Variants in RARB observed in about 807,000 individuals in gnomAD.
The protein encoded by RARB is retinoic acid receptor beta, also known as HBV-activated protein.
Under a neutral mutation model 51.9 loss-of-function variants are expected in RARB, and 17 were observed. The observed-to-expected ratio is 0.33, with a 90% confidence interval of 0.22 to 0.49. The LOEUF (loss-of-function observed/expected upper bound fraction) is 0.49. Ranked by LOEUF, RARB falls within the 20% of genes least tolerant of loss-of-function variation. The pLI, the probability that RARB is intolerant of heterozygous loss-of-function variation, is 0.99. For missense variants in RARB, 369 were observed against 550.8 expected (o/e 0.67, Z 3.30); for synonymous variants, 215 against 195.4 (o/e 1.10, Z -0.84).
chr3:24,921,679 G>C (rs1368601625), intron 2 of RARB, among the ~76,000 whole-genome samples: 2 of 152,040 alleles, frequency 1.3e-5, no homozygotes, highest in Non-Finnish European at 2.9e-5. Flanking sequence ...CCAGACCTCA[G>C]CATCTCCCCA....
At chr3:25,446,075 G>A (rs570633764) in intron 1 of RARB, among the ~76,000 whole-genome samples, 46 of 152,296 alleles carry the variant, frequency 3.0e-4, no homozygotes, top group African/African-American at 1.0e-3. Context: ...TATTTATGGC[G>A]GACATATTGA....
intron 2 of RARB, among the ~76,000 whole-genome samples, chr3:25,057,642 A>G (rs1698466037): frequency 6.6e-6 from 1 of 152,020 alleles, no homozygotes; most frequent in South Asian, 2.1e-4. Flanking sequence ...GCTTCAAAGG[A>G]AAAATGAAAA....
chr3:25,071,171 T>C (rs931282572), intron 3 of RARB, among the ~76,000 whole-genome samples: 2 of 152,208 alleles, frequency 1.3e-5, no homozygotes, highest in African/African-American at 4.8e-5. Context: ...TCTGCAGTGC[T>C]CAGAAGAGAA....
At chr3:25,437,419 A>C (rs560213873) in intron 1 of RARB, among the ~76,000 whole-genome samples, 2 of 152,290 alleles carry the variant, frequency 1.3e-5, no homozygotes, top group African/African-American at 4.8e-5. Context: ...CCATTCAGCA[A>C]ATGGCTCTTG....
chr3:24,838,806 C>T (rs1702379345), intron 1 of RARB, among the ~76,000 whole-genome samples: 1 of 152,086 alleles, frequency 6.6e-6, no homozygotes, highest in African/African-American at 2.4e-5. Flanking sequence ...GAGGGCAGCC[C>T]TAACTTAGCT....
intron 5 of RARB, among the ~76,000 whole-genome samples, chr3:25,376,085 G>A (rs1706451903): frequency 6.6e-6 from 1 of 152,188 alleles, no homozygotes; most frequent in South Asian, 2.1e-4. Flanking sequence ...AGCTCTTACA[G>A]TATTATTTTA....
intron 2 of RARB, among the ~76,000 whole-genome samples, chr3:24,984,916 T>G (rs1397601654): frequency 6.6e-6 from 1 of 152,222 alleles, no homozygotes; most frequent in Non-Finnish European, 1.5e-5. Flanking sequence ...TTCTGAGCTT[T>G]GCTGCCAACC....
At chr3:25,089,798 A>G (rs1473903123) in intron 3 of RARB, among the ~76,000 whole-genome samples, 1 of 152,168 alleles carries the variant, frequency 6.6e-6, no homozygotes, top group Non-Finnish European at 1.5e-5. Flanking sequence ...CATACGAATG[A>G]TACTAGAGTC....
intron 2 of RARB, among the ~76,000 whole-genome samples, chr3:25,472,468 T>G (rs944325264): frequency 1.3e-5 from 2 of 152,186 alleles, no homozygotes; most frequent in Non-Finnish European, 2.9e-5. Flanking sequence ...GGAAAGAAAT[T>G]ATGGATTTGG....
intron 2 of RARB, among the ~76,000 whole-genome samples, chr3:24,867,265 T>A (rs1702868093): frequency 6.6e-6 from 1 of 152,136 alleles, no homozygotes; most frequent in Admixed American, 6.6e-5. Flanking sequence ...TATTATCATT[T>A]AAAACTATAA....
chr3:24,850,322 T>C (rs886351298), intron 1 of RARB, among the ~76,000 whole-genome samples: 1 of 152,222 alleles, frequency 6.6e-6, no homozygotes, highest in Non-Finnish European at 1.5e-5. Flanking sequence ...AGCTGAGTAG[T>C]TGTGAGAGAG....
At chr3:25,206,919 T>A (rs1186136260) in intron 5 of RARB, among the ~76,000 whole-genome samples, 1 of 152,200 alleles carries the variant, frequency 6.6e-6, no homozygotes, top group Admixed American at 6.5e-5. Context: ...CACCCACAGC[T>A]ACTTGACCAC....
intron 2 of RARB, among the ~76,000 whole-genome samples, chr3:25,018,774 T>G (rs999701653): frequency 6.6e-6 from 1 of 152,202 alleles, no homozygotes; most frequent in Non-Finnish European, 1.5e-5. Flanking sequence ...ATAGGTAAAA[T>G]TGTATCATTC....
chr3:24,999,639 C>G (rs1384269551), intron 2 of RARB, among the ~76,000 whole-genome samples: 5 of 152,114 alleles, frequency 3.3e-5, no homozygotes, highest in Non-Finnish European at 7.4e-5. Context: ...GAAAATGGCA[C>G]AATGAGGATG....
At chr3:25,544,112 A>G (rs1699506166) in intron 3 of RARB, among the ~76,000 whole-genome samples, 1 of 152,230 alleles carries the variant, frequency 6.6e-6, no homozygotes, top group Admixed American at 6.5e-5. Context: ...ATTTTCTTCC[A>G]AAGGCCATTT....
At chr3:24,992,147 C>G (rs1285209033) in intron 2 of RARB, among the ~76,000 whole-genome samples, 1 of 152,124 alleles carries the variant, frequency 6.6e-6, no homozygotes, top group East Asian at 1.9e-4. Flanking sequence ...CTACTTTGCT[C>G]TGTCACATCA....
intron 2 of RARB, among the ~76,000 whole-genome samples, chr3:24,865,051 G>A (rs555667418): frequency 6.6e-6 from 1 of 152,078 alleles, no homozygotes; most frequent in African/African-American, 2.4e-5. Flanking sequence ...CTGCCAAAAG[G>A]TTTTTCCAGA....
chr3:25,405,973 A>T (rs971958347), intron 5 of RARB, among the ~76,000 whole-genome samples: 4 of 141,038 alleles, frequency 2.8e-5, no homozygotes, highest in Admixed American at 2.2e-4. Context: ...GGTCATTAGT[A>T]GCAATAATAC....
chr3:24,882,462 G>C (rs1703187062), intron 2 of RARB, among the ~76,000 whole-genome samples: 1 of 152,218 alleles, frequency 6.6e-6, no homozygotes, highest in Admixed American at 6.5e-5. Flanking sequence ...ACACACAAAT[G>C]CTATATCATT....
Sources: allele counts gnomAD v4.1 joint callset (sites outside exome capture counted in the v4.1 genomes callset), GRCh38; gene constraint gnomAD v4.1.1; transcripts MANE v1.5; gene names NCBI Gene and HGNC (gene_info 2026-07-23, HGNC 2026-07-21).